Variants in NIBAN1 observed in about 807,000 individuals in gnomAD.
NIBAN1 encodes niban apoptosis regulator 1.
In NIBAN1, 81 loss-of-function variants were observed where a neutral mutation model predicts 75.1. The ratio of observed to expected loss-of-function variants is 1.08; its 90% CI spans 0.90 to 1.30. NIBAN1 has a LOEUF of 1.30. Among genes scored for constraint, NIBAN1 ranks in the 50% most tolerant of loss-of-function variants. The pLI is 0.00. For synonymous variants in NIBAN1, 436 were observed against 424.8 expected (o/e 1.03, Z -0.32); for missense variants, 1,133 against 1,128.1 (o/e 1.00, Z -0.06).
intron 5 of NIBAN1, among the ~76,000 whole-genome samples, chr1:184,882,830 G>A (rs1656411710): frequency 1.3e-5 from 2 of 152,182 alleles, no homozygotes; most frequent in Non-Finnish European, 2.9e-5. Flanking sequence ...ACACAGACGG[G>A]CAAGTGTAGT....
At position 184,795,374 on chromosome 1, in the gene NIBAN1, G is replaced by A. The variant is rs61823915; in HGVS notation, c.2390C>T (p.Pro797Leu). ...GFPEVGSPAS[P>L]PASGGLTEEP... The stretch of plus-strand genomic sequence containing the variant: ...CTCGGTGAGCCCTCCACTGGCTGGC[G>A]GAGAGGCTGGGCTGCCTACCTCTGG... Residue 797 changes from proline (P) to leucine (L), a missense_variant, in exon 14 of 14, where the codon CCG becomes CTG. By Grantham distance (98) the Pro-to-Leu change is moderately conservative. Coordinates refer to ENST00000367511, the MANE Select transcript of NIBAN1 (RefSeq NM_052966.4). The A allele has an allele frequency of 3.7e-5, 59 of 1,605,316 alleles. No individual in the cohort carries two copies. Among genetic ancestry groups the A allele is most frequent in the Middle Eastern group, 1.7e-4 (1 of 6,004 alleles).
At chr1:184,827,231 T>C (rs1187103670) in intron 6 of NIBAN1, among the ~76,000 whole-genome samples, 2 of 151,542 alleles carry the variant, frequency 1.3e-5, no homozygotes, top group Non-Finnish European at 2.9e-5. Flanking sequence ...ACTAATACAG[T>C]GGGGGAGTGG....
rs1655006816 is a variant in NIBAN1 at position 184,831,818 on chromosome 1, A to G, written c.717+29T>C. The G allele has an allele frequency of 1.9e-6, 3 of 1,538,768 alleles. No individual in the cohort carries two copies. The East Asian group carries it at 6.7e-5, about 35-fold the overall frequency. On this transcript the variant is annotated intron_variant, in intron 6 of 13. Transcript: ENST00000367511. Reference sequence around the variant, plus strand: ...ATCACCCAAATACCCAAACACAGAGAGAATCCAAAATTTTGAACCCCATAT... The same window carrying G: ...ATCACCCAAATACCCAAACACAGAGGGAATCCAAAATTTTGAACCCCATAT...
intron 1 of NIBAN1, among the ~76,000 whole-genome samples, chr1:184,933,654 A>G (rs1442592917): frequency 6.6e-6 from 1 of 152,244 alleles, no homozygotes; most frequent in African/African-American, 2.4e-5. Context: ...ATGTAGTTTT[A>G]TCAACTTTTG....
At chr1:184,935,648 G>A (rs1369756238) in intron 1 of NIBAN1, among the ~76,000 whole-genome samples, 1 of 152,064 alleles carries the variant, frequency 6.6e-6, no homozygotes, top group African/African-American at 2.4e-5. Flanking sequence ...AAAGGGGGAT[G>A]AAAATTTGCA....
chr1:184,859,411 T>C (rs1362676831), intron 5 of NIBAN1, among the ~76,000 whole-genome samples: 1 of 152,168 alleles, frequency 6.6e-6, no homozygotes, highest in Admixed American at 6.5e-5. Flanking sequence ...TCAACCTCCC[T>C]GTGTCCTTAT....
At chr1:184,915,511 G>A (rs913883614) in intron 1 of NIBAN1, among the ~76,000 whole-genome samples, 1 of 152,164 alleles carries the variant, frequency 6.6e-6, no homozygotes, top group African/African-American at 2.4e-5. Context: ...TGGGGTGATG[G>A]GGGAGATTGT....
chr1:184,919,282 G>A (rs1397887116), intron 1 of NIBAN1, among the ~76,000 whole-genome samples: 1 of 152,226 alleles, frequency 6.6e-6, no homozygotes, highest in Non-Finnish European at 1.5e-5. Flanking sequence ...TGACCTGCCT[G>A]AAGCAGCCTT....
At chr1:184,852,135 G>A (rs573811931) in intron 5 of NIBAN1, among the ~76,000 whole-genome samples, 11 of 152,296 alleles carry the variant, frequency 7.2e-5, no homozygotes, top group African/African-American at 2.6e-4. Context: ...CCAGTGTGAT[G>A]TCAATTGAAG....
chr1:184,794,569 A>G lies in NIBAN1; in HGVS notation c.*408T>C. ...TAGTAGATAGTAAAGGTAGACTTAC[A>G]GTATACATTTGCATTCTCAAACAAA... On this transcript the variant is annotated 3_prime_UTR_variant, in exon 14 of 14. Transcript: ENST00000367511. The G allele has an allele frequency of 3.2e-6, 1 of 311,910 alleles. No homozygotes were observed. Among genetic ancestry groups the G allele is most frequent in the Non-Finnish European group, 6.2e-6 (1 of 162,088 alleles). 19.3% of individuals were successfully genotyped at this position (311,910 alleles called of 1,614,324 possible).
chr1:184,818,310 TG>T (rs1193567723), intron 9 of NIBAN1, among the ~76,000 whole-genome samples: 24 of 152,182 alleles, frequency 1.6e-4, no homozygotes, highest in Non-Finnish European at 2.8e-4. Context: ...CCTAGGAGTC[TG>T]GGGTGGACTA....
chr1:184,812,452 G>A (rs1654409358), intron 9 of NIBAN1, among the ~76,000 whole-genome samples: 1 of 152,192 alleles, frequency 6.6e-6, no homozygotes. Flanking sequence ...AGGGAGCCCA[G>A]AGCCTGGCAT....
chr1:184,894,332 T>C (rs1183708271), intron 2 of NIBAN1, 126 bp from the exon 3 acceptor site: 1 of 1,009,990 alleles, frequency 9.9e-7, no homozygotes, highest in Non-Finnish European at 1.4e-6. Flanking sequence ...CTGGGGAAAC[T>C]GTTGCTTCCT....
intron 8 of NIBAN1, among the ~76,000 whole-genome samples, chr1:184,819,419 T>G (rs1484344213): frequency 6.6e-6 from 1 of 152,150 alleles, no homozygotes; most frequent in Non-Finnish European, 1.5e-5. Context: ...ACATGCTTAG[T>G]GACAAAAATG....
At chr1:184,904,050 C>T (rs1657024470) in intron 1 of NIBAN1, among the ~76,000 whole-genome samples, 1 of 152,134 alleles carries the variant, frequency 6.6e-6, no homozygotes, top group Non-Finnish European at 1.5e-5. Flanking sequence ...GCATGCACCA[C>T]CACACCTGGC....
chr1:184,934,830 G>A (rs947838219), intron 1 of NIBAN1, among the ~76,000 whole-genome samples: 4 of 152,078 alleles, frequency 2.6e-5, no homozygotes, highest in South Asian at 4.1e-4. Flanking sequence ...GGGAGGCAGC[G>A]GTTGCAGTGA....
chr1:184,922,136 T>C (rs367907268), intron 1 of NIBAN1, among the ~76,000 whole-genome samples: 1 of 152,314 alleles, frequency 6.6e-6, no homozygotes, highest in South Asian at 2.1e-4. Context: ...AGTAGGTATA[T>C]GTATTTATGG....
At chr1:184,924,481 T>C (rs982786404) in intron 1 of NIBAN1, among the ~76,000 whole-genome samples, 7 of 152,222 alleles carry the variant, frequency 4.6e-5, no homozygotes, top group Admixed American at 4.6e-4. Flanking sequence ...TCAACATCCA[T>C]CAACAATATT....
chr1:184,913,685 T>C (rs1002266224), intron 1 of NIBAN1, among the ~76,000 whole-genome samples: 5 of 152,234 alleles, frequency 3.3e-5, no homozygotes, highest in Middle Eastern at 3.2e-3. Flanking sequence ...ATATTTGTTA[T>C]GCAAGATAAA....
Sources: allele counts gnomAD v4.1 joint callset (sites outside exome capture counted in the v4.1 genomes callset), GRCh38; gene constraint gnomAD v4.1.1; transcripts MANE v1.5; gene names NCBI Gene and HGNC (gene_info 2026-07-23, HGNC 2026-07-21).